Variants in KCNT2 observed in about 807,000 individuals in gnomAD.
The protein encoded by KCNT2 is potassium channel subfamily T member 2.
KCNT2 carries 67 observed loss-of-function variants against 153.8 expected under a neutral mutation model. That is an observed-to-expected ratio of 0.44 (90% CI 0.36 to 0.53). The LOEUF (loss-of-function observed/expected upper bound fraction) is 0.53. Ranked by LOEUF, KCNT2 falls within the 20% of genes least tolerant of loss-of-function variation. KCNT2 has a pLI of 0.00. For missense variants in KCNT2, 975 were observed against 1,354.8 expected (o/e 0.72, Z 4.40); for synonymous variants, 500 against 458.8 (o/e 1.09, Z -1.15).
intron 1 of KCNT2, among the ~76,000 whole-genome samples, chr1:196,589,324 A>T (rs1663064049): frequency 1.3e-5 from 2 of 152,038 alleles, no homozygotes; most frequent in Admixed American, 1.3e-4. Context: ...TCTTTTAAAA[A>T]TTCTATACAT....
Position 196,425,974 on chromosome 1 carries a change from C to T in KCNT2, c.999G>A (p.Val333=), listed in dbSNP as rs1203351447. 5 of 1,611,792 alleles carry T rather than the reference C, an allele frequency of 3.1e-6. No homozygotes were observed. The highest frequency in any genetic ancestry group is 1.3e-5 in the African/African-American group (1 of 74,778). Residue 333 remains valine, a synonymous_variant, in exon 11 of 28, where the codon GTG becomes GTA. Transcript: ENST00000294725. The stretch of plus-strand genomic sequence containing the variant: ...CATCCATTTCAGTAGGACACAAAAT[C>T]ACCACATAATAATCCTATTCAAAAC... ...AHPRLQDYYV[V]ILCPTEMDVQ...
At chr1:196,377,343 G>C (rs927776711) in intron 13 of KCNT2, among the ~76,000 whole-genome samples, 1 of 151,488 alleles carries the variant, frequency 6.6e-6, no homozygotes, top group African/African-American at 2.4e-5. Context: ...TTTTTTTGGT[G>C]GGGGGGAGAA....
chr1:196,419,571 T>A (rs954699592), intron 12 of KCNT2, among the ~76,000 whole-genome samples: 12 of 151,778 alleles, frequency 7.9e-5, no homozygotes, highest in Non-Finnish European at 1.8e-4. Flanking sequence ...ATTTTCTTAA[T>A]CCAGTCTATC....
chr1:196,382,843 C>T (rs1288373233), intron 13 of KCNT2, among the ~76,000 whole-genome samples: 2 of 151,912 alleles, frequency 1.3e-5, no homozygotes, highest in South Asian at 2.1e-4. Flanking sequence ...CGTTAAGGGC[C>T]GCTTTGAGCT....
chr1:196,417,642 A>G (rs1672861749), intron 12 of KCNT2, among the ~76,000 whole-genome samples: 1 of 152,086 alleles, frequency 6.6e-6, no homozygotes, highest in African/African-American at 2.4e-5. Context: ...CTCATCCCTC[A>G]TTCTGAATTT....
chr1:196,435,149 A>ATATATG (rs1239932446), intron 8 of KCNT2, among the ~76,000 whole-genome samples: 7 of 105,810 alleles, frequency 6.6e-5, no homozygotes, highest in Non-Finnish European at 1.5e-4. Flanking sequence ...GTATATATAT[A>ATATATG]TATATATATA....
chr1:196,596,170 T>C (rs575475419), intron 1 of KCNT2, among the ~76,000 whole-genome samples: 2 of 151,282 alleles, frequency 1.3e-5, no homozygotes, highest in South Asian at 2.1e-4. Context: ...CAATTACAAG[T>C]AATGCTGCTA....
At chr1:196,549,477 T>A (rs1657603284) in intron 1 of KCNT2, among the ~76,000 whole-genome samples, 1 of 151,960 alleles carries the variant, frequency 6.6e-6, no homozygotes, top group African/African-American at 2.4e-5. Context: ...ACTCATAGTT[T>A]CACAAACATC....
intron 1 of KCNT2, among the ~76,000 whole-genome samples, chr1:196,588,638 A>G (rs929678312): frequency 6.6e-6 from 1 of 151,964 alleles, no homozygotes; most frequent in Non-Finnish European, 1.5e-5. Flanking sequence ...ACAATGTTAC[A>G]ATAGTATACC....
intron 20 of KCNT2, 129 bp from the exon 21 acceptor site, chr1:196,316,155 A>T: frequency 1.9e-6 from 1 of 533,552 alleles, no homozygotes; most frequent in Non-Finnish European, 3.2e-6. Context: ...CAGAGTGTGC[A>T]CAGGTAGCTA....
At chr1:196,285,070 C>G (rs74133655) in intron 23 of KCNT2, among the ~76,000 whole-genome samples, 3,257 of 152,146 alleles carry the variant, frequency 0.021, 103 homozygotes, top group African/African-American at 0.074. Context: ...GAGACAAAAA[C>G]GATGATATTA....
At chr1:196,542,382 G>A (rs1656498821) in intron 1 of KCNT2, among the ~76,000 whole-genome samples, 1 of 152,256 alleles carries the variant, frequency 6.6e-6, no homozygotes, top group Middle Eastern at 3.4e-3. Flanking sequence ...AAACGTCAGA[G>A]TGTATTAATT....
At chr1:196,275,150 T>G (rs914393118) in intron 25 of KCNT2, among the ~76,000 whole-genome samples, 5 of 151,914 alleles carry the variant, frequency 3.3e-5, no homozygotes, top group Non-Finnish European at 7.4e-5. Context: ...TACTTTTATA[T>G]TATGGATTGA....
chr1:196,375,268 G>A (rs1668860951), intron 13 of KCNT2, among the ~76,000 whole-genome samples: 1 of 151,630 alleles, frequency 6.6e-6, no homozygotes, highest in Admixed American at 6.6e-5. Context: ...GTATTTGCAT[G>A]TGTCTTTTTT....
intron 13 of KCNT2, among the ~76,000 whole-genome samples, chr1:196,388,356 ATCT>A (rs1670179118): frequency 6.6e-6 from 1 of 151,704 alleles, no homozygotes; most frequent in Admixed American, 6.6e-5. Flanking sequence ...TCTGACATGA[ATCT>A]TCTTTTTCAT....
At chr1:196,583,471 T>C (rs1662301695) in intron 1 of KCNT2, among the ~76,000 whole-genome samples, 1 of 152,052 alleles carries the variant, frequency 6.6e-6, no homozygotes, top group South Asian at 2.1e-4. Context: ...GTAAGACAAA[T>C]ATCATGATTT....
intron 4 of KCNT2, among the ~76,000 whole-genome samples, chr1:196,479,617 T>C (rs1358619105): frequency 2.0e-5 from 3 of 151,982 alleles, no homozygotes; most frequent in East Asian, 3.9e-4. Context: ...TGCAATGTTG[T>C]CCAGGCTGGT....
chr1:196,602,109 T>G (rs1459282627), intron 1 of KCNT2, among the ~76,000 whole-genome samples: 2 of 152,182 alleles, frequency 1.3e-5, no homozygotes, highest in Non-Finnish European at 2.9e-5. Context: ...TTTATTGTTT[T>G]GATTGCTTTT....
chr1:196,444,924 G>T (rs1157214133), intron 8 of KCNT2, among the ~76,000 whole-genome samples: 3 of 151,270 alleles, frequency 2.0e-5, no homozygotes, highest in African/African-American at 7.3e-5. Flanking sequence ...AATCACCCAA[G>T]TGAATTTATA....
Sources: allele counts gnomAD v4.1 joint callset (sites outside exome capture counted in the v4.1 genomes callset), GRCh38; gene constraint gnomAD v4.1.1; transcripts MANE v1.5; gene names NCBI Gene and HGNC (gene_info 2026-07-23, HGNC 2026-07-21).